PCNX2: variants seen among roughly 807,000 people sequenced by gnomAD.
PCNX2 encodes pecanex-like protein 2.
In PCNX2, 168 loss-of-function variants were observed where a neutral mutation model predicts 223.8. The observed-to-expected ratio is 0.75, with a 90% CI of 0.66 to 0.85. The LOEUF (loss-of-function observed/expected upper bound fraction) is 0.85. Ranked by LOEUF, PCNX2 falls within the 40% of genes least tolerant of loss-of-function variation. The pLI, the probability that PCNX2 is intolerant of heterozygous loss-of-function variation, is 0.00. For synonymous variants in PCNX2, 1,006 were observed against 1,052.6 expected, an observed-to-expected ratio of 0.96 and a Z score of 0.86; for missense variants, 2,507 against 2,675.5, an observed-to-expected ratio of 0.94 and a Z score of 1.39.
At chr1:233,034,169 G>A (rs1202757050) in intron 25 of PCNX2, among the ~76,000 whole-genome samples, 4 of 152,206 alleles carry the variant, frequency 2.6e-5, no homozygotes, top group Admixed American at 2.0e-4. Context: ...CCGAGATCGT[G>A]CCGCTGCCCT....
At chr1:233,016,737 C>G in intron 27 of PCNX2, 184 bp downstream of exon 27, 1 of 967,466 alleles carries the variant, frequency 1.0e-6, no homozygotes, top group Non-Finnish European at 1.2e-6. Context: ...TCATTGGAGA[C>G]ATGGTATATT....
At chr1:232,996,892 C>T (rs567240882) in intron 32 of PCNX2, among the ~76,000 whole-genome samples, 19 of 152,218 alleles carry the variant, frequency 1.2e-4, no homozygotes, top group African/African-American at 3.4e-4. Context: ...ATCTGCTCAC[C>T]TGAGACAAAG....
chr1:233,257,350 G>C (rs1659791315), intron 5 of PCNX2, among the ~76,000 whole-genome samples: 1 of 152,112 alleles, frequency 6.6e-6, no homozygotes. Context: ...GTTATATAAG[G>C]AGTAAGTGAG....
intron 1 of PCNX2, among the ~76,000 whole-genome samples, chr1:233,264,299 A>G (rs1427959181): frequency 1.3e-5 from 2 of 152,192 alleles, no homozygotes; most frequent in African/African-American, 4.8e-5. Flanking sequence ...GACAGCCTCA[A>G]TGATTCGCAA....
chr1:233,296,572 G>A (rs1196568983), upstream of PCNX2, among the ~76,000 whole-genome samples: 4 of 152,192 alleles, frequency 2.6e-5, no homozygotes, highest in African/African-American at 9.7e-5. Flanking sequence ...TTTTGAGAGT[G>A]GGTTTTGGAA....
chr1:233,125,513 G>C (rs1294815066), intron 21 of PCNX2, among the ~76,000 whole-genome samples: 1 of 152,178 alleles, frequency 6.6e-6, no homozygotes, highest in African/African-American at 2.4e-5. Flanking sequence ...GTGGCCACCA[G>C]CCACTTCCAT....
At chr1:233,025,774 A>G (rs1671061012) in intron 25 of PCNX2, 1 of 226,170 alleles carries the variant, frequency 4.4e-6, no homozygotes, top group South Asian at 8.1e-5. Flanking sequence ...TAACTGGTCC[A>G]GGCTTGTTTC....
chr1:233,261,863 T>G (rs1660065729), intron 3 of PCNX2, among the ~76,000 whole-genome samples, 182 bp downstream of exon 3: 1 of 152,166 alleles, frequency 6.6e-6, no homozygotes. Flanking sequence ...TGGGCATTTA[T>G]TTTATGGTCC....
rs1434390914 is a variant in PCNX2 at position 233,253,225 on chromosome 1, C to G, written c.1835-437G>C. On this transcript the variant is annotated intron_variant, in intron 5 of 33. Transcript: ENST00000258229. This position sits in a 1 kb window ranked among gnomAD's most constrained non-coding sequence, Gnocchi z 4.2. ...CCCCTTTACCATTTATAAATCTTAT[C>G]AGTCTTTCTTCTCACTCTCCAAAAC... is the stretch of plus-strand genomic sequence containing the variant. Among the ~76,000 whole-genome samples, 1 of 152,228 alleles carries G rather than the reference C, an allele frequency of 6.6e-6. No homozygotes were observed. The highest frequency in any genetic ancestry group is 2.4e-5 in the African/African-American group (1 of 41,462).
At chr1:233,227,433 AATAT>A in intron 9 of PCNX2, 62 bp from the exon 10 acceptor site, 7 of 1,300,520 alleles carry the variant, frequency 5.4e-6, no homozygotes, top group Non-Finnish European at 6.4e-6. Flanking sequence ...CATGGCCACA[AATAT>A]ATATATATAT....
At chr1:233,302,196 T>C in the PCNX2 span, among the ~76,000 whole-genome samples, 4 of 152,218 alleles carry the variant, frequency 2.6e-5, no homozygotes, top group Non-Finnish European at 5.9e-5. Context: ...AGATGAAGCA[T>C]TGAGATAAAT....
intron 21 of PCNX2, among the ~76,000 whole-genome samples, chr1:233,117,487 C>T (rs1675479525): frequency 6.6e-6 from 1 of 150,412 alleles, no homozygotes; most frequent in African/African-American, 2.5e-5. Context: ...AAAAATTAGC[C>T]GTATTCGGGA....
chr1:233,034,638 C>T (rs1558178587), intron 25 of PCNX2, among the ~76,000 whole-genome samples: 1 of 152,104 alleles, frequency 6.6e-6, no homozygotes, highest in African/African-American at 2.4e-5. Context: ...GACACACCTG[C>T]CAAGATGGAG....
upstream of PCNX2, among the ~76,000 whole-genome samples, chr1:233,296,749 C>T (rs770572894): frequency 7.9e-5 from 12 of 152,244 alleles, no homozygotes; most frequent in African/African-American, 1.7e-4. Flanking sequence ...ACTCCTCTGA[C>T]TTGTGTGCCT....
intron 25 of PCNX2, among the ~76,000 whole-genome samples, chr1:233,048,217 G>A (rs957472467): frequency 6.6e-6 from 1 of 152,232 alleles, no homozygotes; most frequent in Non-Finnish European, 1.5e-5. Context: ...AGCACTTTGG[G>A]AGGCCAAGGC....
chr1:233,301,080 A>G, the PCNX2 span, among the ~76,000 whole-genome samples: 2 of 152,214 alleles, frequency 1.3e-5, no homozygotes, highest in Non-Finnish European at 2.9e-5. Context: ...CACAGAGGTA[A>G]TACTAGCTGC....
rs552402456 is a variant in PCNX2 at position 233,025,252 on chromosome 1, G to A, written c.4499C>T (p.Thr1500Met). The A allele has an allele frequency of 9.9e-5, 159 of 1,613,992 alleles. 2 individuals carry two copies. In the South Asian group the frequency reaches 1.6e-3, roughly 16 times the overall value. ...FHLRWLTWEI[T>M]QTQYILEGYS... is the part of the protein sequence containing the mutation. The stretch of plus-strand genomic sequence containing the variant: ...GCCCTCCAGGATGTACTGGGTCTGC[G>A]TGATTTCCCAGGTGAGCCAGCGGAG... Residue 1500 changes from threonine (T) to methionine (M), a missense_variant, in exon 26 of 34, where the codon ACG (threonine) becomes ATG (methionine). By Grantham distance (81) the Thr-to-Met change is moderately conservative. This residue lies in a region of PCNX2 where 1,372 missense variants were observed against 1,509.4 expected (regional missense o/e 0.91). Coordinates refer to ENST00000258229, the MANE Select transcript of PCNX2 (RefSeq NM_014801.4).
At chr1:233,294,132 G>T (rs1313629463) in intron 1 of PCNX2, 9 of 392,094 alleles carry the variant, frequency 2.3e-5, no homozygotes, top group Non-Finnish European at 3.1e-5. Context: ...GAAAAGTTCA[G>T]TATCAGACCA....
At chr1:233,274,495 A>G (rs1660810309) in intron 1 of PCNX2, among the ~76,000 whole-genome samples, 1 of 152,240 alleles carries the variant, frequency 6.6e-6, no homozygotes, top group Non-Finnish European at 1.5e-5. Flanking sequence ...GCATAGAGAC[A>G]AAAGAAACAT....
Sources: allele counts gnomAD v4.1 joint callset (sites outside exome capture counted in the v4.1 genomes callset), GRCh38; gene constraint gnomAD v4.1.1; regional missense constraint gnomAD v4.1.1; non-coding constraint Gnocchi (gnomAD v3.1); transcripts MANE v1.5; gene names NCBI Gene and HGNC (gene_info 2026-07-23, HGNC 2026-07-21).